The following HYCC1 variants were observed in gnomAD, a reference collection of about 807,000 sequenced individuals.
The protein encoded by HYCC1 is hyccin PI4KA lipid kinase complex subunit 1, also known as hyccin.
chr7:22,954,764 T>C, the HYCC1 span, among the ~76,000 whole-genome samples: 2 of 151,576 alleles, frequency 1.3e-5, no homozygotes, highest in Non-Finnish European at 3.0e-5. Context: ...TTTTAATTCT[T>C]TTTTACTACT....
At chr7:22,977,349 A>G in the HYCC1 span, 1 of 1,573,250 alleles carries the variant, frequency 6.4e-7, no homozygotes, top group Non-Finnish European at 8.7e-7. Context: ...ACTTCATGGT[A>G]TACAGATGGT....
At chr7:22,977,472 AT>A in the HYCC1 span, 1 of 1,070,630 alleles carries the variant, frequency 9.3e-7, no homozygotes, top group Non-Finnish European at 1.4e-6. Context: ...TTACACACAA[AT>A]TTACAAACTA....
chr7:22,917,058 CA>C, the HYCC1 span, among the ~76,000 whole-genome samples: 1 of 152,186 alleles, frequency 6.6e-6, no homozygotes, highest in Non-Finnish European at 1.5e-5. Flanking sequence ...CTAGGGCCAT[CA>C]AAAGGTGTCA....
chr7:22,928,700 T>C, the HYCC1 span, among the ~76,000 whole-genome samples: 2 of 152,144 alleles, frequency 1.3e-5, no homozygotes, highest in East Asian at 3.8e-4. Flanking sequence ...TACAAACAAA[T>C]GGAAGAACAT....
At chr7:22,912,222 A>G in the HYCC1 span, among the ~76,000 whole-genome samples, 38 of 152,348 alleles carry the variant, frequency 2.5e-4, no homozygotes, top group African/African-American at 8.4e-4. Context: ...TAAAACTCAG[A>G]AGGAACCAAT....
the HYCC1 span, chr7:22,945,624 G>A: frequency 6.2e-7 from 1 of 1,613,120 alleles, no homozygotes; most frequent in Non-Finnish European, 8.5e-7. Flanking sequence ...ATACTAGGAG[G>A]TCTCTGCTGA....
chr7:22,965,608 A>C, the HYCC1 span, among the ~76,000 whole-genome samples: 121 of 151,406 alleles, frequency 8.0e-4, no homozygotes, highest in African/African-American at 2.6e-3. Flanking sequence ...AAAAAAAAAA[A>C]AACAAAGAAA....
the HYCC1 span, among the ~76,000 whole-genome samples, chr7:22,930,393 G>GAAAAAAAAAA: frequency 9.9e-6 from 1 of 101,102 alleles, no homozygotes; most frequent in Non-Finnish European, 2.2e-5. Flanking sequence ...AAAAGAAAAA[G>GAAAAAAAAAA]AAAAAAAAAA....
the HYCC1 span, among the ~76,000 whole-genome samples, chr7:22,995,808 A>G: frequency 2.0e-5 from 3 of 152,130 alleles, no homozygotes; most frequent in Admixed American, 6.6e-5. Context: ...TCACTTGCAA[A>G]AAAAGAGAGT....
At chr7:22,958,717 C>G in the HYCC1 span, among the ~76,000 whole-genome samples, 1 of 152,052 alleles carries the variant, frequency 6.6e-6, no homozygotes, top group South Asian at 2.1e-4. Context: ...TAAATGTACG[C>G]CTGGACATGC....
chr7:22,976,294 A>G, the HYCC1 span: 1 of 1,609,724 alleles, frequency 6.2e-7, no homozygotes, highest in Non-Finnish European at 8.5e-7. Flanking sequence ...AAGGAATGTC[A>G]ACACTTCAAA....
chr7:22,941,692 C>G, the HYCC1 span: 1 of 152,024 alleles, frequency 6.6e-6, no homozygotes, highest in Non-Finnish European at 1.5e-5. Context: ...TAGATATGCA[C>G]AAGTTACAAA....
chr7:22,947,781 T>C, the HYCC1 span, among the ~76,000 whole-genome samples: 1 of 152,096 alleles, frequency 6.6e-6, no homozygotes, highest in Admixed American at 6.6e-5. Context: ...TAATAAACCA[T>C]GATATTTGGG....
At chr7:23,011,876 T>C in the HYCC1 span, among the ~76,000 whole-genome samples, 1 of 152,064 alleles carries the variant, frequency 6.6e-6, no homozygotes, top group Non-Finnish European at 1.5e-5. Context: ...ACAACTTGGC[T>C]GTGTGCTCCC....
the HYCC1 span, chr7:22,936,301 G>A: frequency 2.6e-5 from 4 of 152,102 alleles, no homozygotes; most frequent in Non-Finnish European, 5.9e-5. Flanking sequence ...ATCTTAGGAT[G>A]GTCACTGCTG....
chr7:22,912,364 G>A, the HYCC1 span, among the ~76,000 whole-genome samples: 4 of 152,118 alleles, frequency 2.6e-5, no homozygotes, highest in Non-Finnish European at 5.9e-5. Context: ...CCTAATCAAG[G>A]GGTACCATAT....
At chr7:22,964,433 G>A in the HYCC1 span, 2 of 1,590,044 alleles carry the variant, frequency 1.3e-6, no homozygotes, top group Non-Finnish European at 1.7e-6. Context: ...ATAAATCCCT[G>A]TTAACATTTG....
the HYCC1 span, among the ~76,000 whole-genome samples, chr7:23,002,167 TATATATATAC>T: frequency 0.077 from 6,560 of 85,568 alleles, 255 homozygotes; most frequent in East Asian, 0.16. Context: ...TATATATATA[TATATATATAC>T]ATATAGTTTG....
At chr7:22,898,720 A>C in the HYCC1 span, among the ~76,000 whole-genome samples, 2 of 150,060 alleles carry the variant, frequency 1.3e-5, no homozygotes, top group East Asian at 3.9e-4. Flanking sequence ...CTCCTGCCTC[A>C]GCTTCCCAAG....
Sources: allele counts gnomAD v4.1 joint callset (sites outside exome capture counted in the v4.1 genomes callset), GRCh38; gene constraint gnomAD v4.1.1; transcripts MANE v1.5; gene names NCBI Gene and HGNC (gene_info 2026-07-23, HGNC 2026-07-21).